The following SLC14A2 variants were observed in gnomAD, a reference collection of about 807,000 sequenced individuals.
SLC14A2 encodes the protein solute carrier family 14 member 2, also known as urea transporter 2.
In SLC14A2, 91 loss-of-function variants were observed where a neutral mutation model predicts 104.6. The observed-to-expected ratio is 0.87, with a 90% CI of 0.73 to 1.04. The LOEUF (loss-of-function observed/expected upper bound fraction) is 1.04. SLC14A2 is among the 50% of genes least tolerant of loss of function. SLC14A2 has a pLI of 0.00. For missense variants in SLC14A2, 1,189 were observed against 1,156.0 expected, an observed-to-expected ratio of 1.03 and a Z score of -0.41; for synonymous variants, 476 against 466.4, an observed-to-expected ratio of 1.02 and a Z score of -0.27.
chr18:45,468,741 C>A (rs1207865585), intron 1 of SLC14A2, among the ~76,000 whole-genome samples: 2 of 152,150 alleles, frequency 1.3e-5, no homozygotes. Context: ...GAGGTTAAGG[C>A]TTAGGATTCA....
rs779814393 is a variant in SLC14A2, at chr18:45,643,150, T to C, written c.1145T>C (p.Met382Thr). The C allele has an allele frequency of 1.2e-6, 2 of 1,614,158 alleles. No homozygotes were observed. Among genetic ancestry groups the C allele is most frequent in the Non-Finnish European group, 8.5e-7 (1 of 1,179,986 alleles). Reference protein sequence around the residue: ...ALICALFCAYMEAAISNIMSV... With the variant: ...ALICALFCAYTEAAISNIMSV... Reference sequence around the variant, plus strand: ...TCCACAGCCCTGTTCTGTGCATACATGGAAGCAGCCATCTCCAACATCATG... The same window carrying C: ...TCCACAGCCCTGTTCTGTGCATACACGGAAGCAGCCATCTCCAACATCATG... Residue 382 changes from methionine (M) to threonine (T), a missense_variant, in exon 9 of 20, where the codon ATG becomes ACG. Met to Thr is a moderately conservative substitution (Grantham distance 81, BLOSUM62 -1). Transcript: ENST00000255226.
chr18:45,674,066 C>T (rs1267751443), intron 18 of SLC14A2, among the ~76,000 whole-genome samples: 1 of 152,112 alleles, frequency 6.6e-6, no homozygotes, highest in African/African-American at 2.4e-5. Flanking sequence ...GCAGGTTACT[C>T]GTTACATATG....
intron 1 of SLC14A2, among the ~76,000 whole-genome samples, chr18:45,340,885 A>ACC (rs577665628): frequency 2.9e-3 from 445 of 152,314 alleles, no homozygotes; most frequent in Non-Finnish European, 5.1e-3. Flanking sequence ...ACAACCTGCA[A>ACC]CCCCAAAGGG....
At chr18:45,646,662 C>T (rs1178904188) in intron 10 of SLC14A2, 1 of 152,158 alleles carries the variant, frequency 6.6e-6, no homozygotes. Context: ...CAACTCCCCC[C>T]ATCTCCCCCA....
chr18:45,449,462 C>G (rs1384549434), intron 1 of SLC14A2, among the ~76,000 whole-genome samples: 2 of 152,164 alleles, frequency 1.3e-5, no homozygotes, highest in Non-Finnish European at 2.9e-5. Flanking sequence ...CTGCCTCATA[C>G]ACATAAACTT....
intron 1 of SLC14A2, among the ~76,000 whole-genome samples, chr18:45,475,623 TATATATATATATATTTAGG>T (rs1384271975): frequency 1.2e-4 from 11 of 94,876 alleles, no homozygotes; most frequent in African/African-American, 2.3e-4. Flanking sequence ...ATTTAGGATA[TATATATATATATATTTAGG>T]ATATATATAT....
chr18:45,283,668 T>C (rs942849250), intron 1 of SLC14A2, among the ~76,000 whole-genome samples: 8 of 152,350 alleles, frequency 5.3e-5, no homozygotes, highest in Non-Finnish European at 1.0e-4. Flanking sequence ...CAGGTCTCCA[T>C]TGTGTTTGCT....
At chr18:45,538,950 C>A (rs2043843084) in intron 2 of SLC14A2, among the ~76,000 whole-genome samples, 1 of 147,236 alleles carries the variant, frequency 6.8e-6, no homozygotes, top group Non-Finnish European at 1.5e-5. Context: ...TGCATCCCTT[C>A]CTTCCTGCCA....
At chr18:45,213,533 T>C (rs1330677832) in intron 1 of SLC14A2, among the ~76,000 whole-genome samples, 1 of 152,178 alleles carries the variant, frequency 6.6e-6, no homozygotes, top group Non-Finnish European at 1.5e-5. Flanking sequence ...GCATTAATAA[T>C]AGTGGAGAAA....
chr18:45,508,733 G>A (rs1011771089), intron 2 of SLC14A2, among the ~76,000 whole-genome samples: 1 of 152,078 alleles, frequency 6.6e-6, no homozygotes, highest in Non-Finnish European at 1.5e-5. Context: ...CATTCTGATG[G>A]GCCACTGGAA....
intron 2 of SLC14A2, among the ~76,000 whole-genome samples, chr18:45,551,224 T>TA (rs989413293): frequency 1.7e-4 from 26 of 151,926 alleles, no homozygotes; most frequent in Middle Eastern, 3.2e-3. Flanking sequence ...TGGGGAATTT[T>TA]AAAAAAAAGA....
intron 1 of SLC14A2, among the ~76,000 whole-genome samples, chr18:45,327,221 G>A (rs1001384376): frequency 1.3e-5 from 2 of 150,630 alleles, no homozygotes; most frequent in African/African-American, 4.9e-5. Context: ...CCACCTACTT[G>A]GTAGGAGCCA....
chr18:45,500,837 G>A (rs1484122748), intron 2 of SLC14A2, among the ~76,000 whole-genome samples: 1 of 152,214 alleles, frequency 6.6e-6, no homozygotes, highest in Non-Finnish European at 1.5e-5. Flanking sequence ...GTTTCGGGAA[G>A]AGGTGGGATT....
chr18:45,497,844 C>T (rs553121884), intron 2 of SLC14A2, among the ~76,000 whole-genome samples: 48 of 152,302 alleles, frequency 3.2e-4, no homozygotes, highest in Non-Finnish European at 6.0e-4. Context: ...GGCCCAATGA[C>T]TCAGGAGCTT....
At chr18:45,186,447 C>T in the SLC14A2 span, among the ~76,000 whole-genome samples, 1 of 152,194 alleles carries the variant, frequency 6.6e-6, no homozygotes, top group Admixed American at 6.5e-5. Flanking sequence ...CAAAAATTAA[C>T]TCAGAGATTT....
intron 1 of SLC14A2, among the ~76,000 whole-genome samples, chr18:45,342,145 G>A (rs1279659654): frequency 2.0e-5 from 3 of 152,172 alleles, no homozygotes; most frequent in African/African-American, 7.2e-5. Flanking sequence ...TAGGAACGAG[G>A]TTCGGTATTC....
chr18:45,464,897 T>C (rs1421200), intron 1 of SLC14A2, among the ~76,000 whole-genome samples: 89,008 of 151,892 alleles, frequency 0.59, 26,278 homozygotes, highest in Admixed American at 0.68. Context: ...TGGAGGTTGG[T>C]AGAGCCTGTC....
At chr18:45,654,140 G>GGC (rs1555718851) in intron 10 of SLC14A2, among the ~76,000 whole-genome samples, 1,602 of 151,808 alleles carry the variant, frequency 0.011, 24 homozygotes, top group African/African-American at 0.037. Context: ...GGAATGCTGG[G>GGC]GGGGACGTGG....
rs186107026 is a variant in SLC14A2 at position 45,440,472 on chromosome 18, T to A, written c.-124-42761T>A. Reference sequence around the variant, plus strand: ...AGCTTGTTGGAAATCAGAACGTGTCTCTGGGTGCCAGACCACATGTCCACA... The same window carrying A: ...AGCTTGTTGGAAATCAGAACGTGTCACTGGGTGCCAGACCACATGTCCACA... On this transcript the variant is annotated intron_variant, in intron 1 of 20. Transcript: ENST00000586448. 1.1e-4 allele frequency: 16 copies of A among 152,368 alleles called. No individual in the cohort carries two copies. In the East Asian group the frequency reaches 3.1e-3, roughly 29 times the overall value. 9.4% of individuals were successfully genotyped at this position (152,368 alleles called of 1,614,324 possible).
Sources: gnomAD v4.1 joint callset for allele counts (sites outside exome capture counted in the v4.1 genomes callset) on GRCh38, gnomAD v4.1.1 for gene constraint, MANE v1.5 for transcripts, NCBI Gene and HGNC (gene_info 2026-07-23, HGNC 2026-07-21) for gene names.